Variants in ZC3H12B observed in about 807,000 individuals in gnomAD.
The protein encoded by ZC3H12B is probable ribonuclease ZC3H12B.
Under a neutral mutation model 43.9 loss-of-function variants are expected in ZC3H12B, and 7 were observed. That is an observed-to-expected ratio of 0.16 (90% CI 0.09 to 0.30). The LOEUF (loss-of-function observed/expected upper bound fraction) is 0.30. Ranked by LOEUF, ZC3H12B falls within the 10% of genes least tolerant of loss-of-function variation. The pLI, the probability that ZC3H12B is intolerant of heterozygous loss-of-function variation, is 1.00. For synonymous variants in ZC3H12B, 222 were observed against 241.7 expected, an observed-to-expected ratio of 0.92 and a Z score of 0.76; for missense variants, 475 against 670.2, an observed-to-expected ratio of 0.71 and a Z score of 3.22.
the ZC3H12B span, among the ~76,000 whole-genome samples, chrX:65,335,242 G>T: frequency 1.8e-5 from 2 of 111,561 alleles, no homozygotes; most frequent in African/African-American, 6.5e-5. Flanking sequence ...TCAAAATGGG[G>T]TCTGTGGCAC....
the ZC3H12B span, among the ~76,000 whole-genome samples, chrX:65,105,445 G>A: frequency 4.5e-5 from 5 of 110,975 alleles, no homozygotes; most frequent in Admixed American, 9.6e-5. Context: ...CAGGAATAGC[G>A]GACATAGGGA....
At chrX:65,066,539 G>A in the ZC3H12B span, among the ~76,000 whole-genome samples, 1 of 111,317 alleles carries the variant, frequency 9.0e-6, no homozygotes, top group Admixed American at 9.4e-5. Flanking sequence ...GCACCCACCA[G>A]GTACTAACCT....
the ZC3H12B span, among the ~76,000 whole-genome samples, chrX:65,277,206 A>T: frequency 1.8e-5 from 2 of 111,988 alleles, no homozygotes; most frequent in African/African-American, 6.5e-5. Flanking sequence ...TGGAGCCCTT[A>T]AGTATATAAA....
chrX:65,102,471 T>G, the ZC3H12B span, among the ~76,000 whole-genome samples: 1 of 112,171 alleles, frequency 8.9e-6, no homozygotes, highest in Admixed American at 9.5e-5. Context: ...GACATGATTG[T>G]ATATTTAAGA....
the ZC3H12B span, among the ~76,000 whole-genome samples, chrX:65,296,100 G>A: frequency 1.8e-5 from 2 of 111,805 alleles, no homozygotes; most frequent in African/African-American, 6.5e-5. Context: ...CAAAAATAGG[G>A]AGCCAACTCT....
At chrX:65,462,233 G>C (rs761538691) in intron 3 of ZC3H12B, among the ~76,000 whole-genome samples, 1 of 110,939 alleles carries the variant, frequency 9.0e-6, no homozygotes, top group African/African-American at 3.3e-5. Flanking sequence ...CTTCAAGGCC[G>C]GGCACGGTGG....
chrX:65,153,321 T>A, the ZC3H12B span, among the ~76,000 whole-genome samples: 2 of 111,918 alleles, frequency 1.8e-5, no homozygotes, highest in East Asian at 2.8e-4. Context: ...AGAAAATTTT[T>A]GCAACCTACT....
At chrX:65,325,461 A>G in the ZC3H12B span, among the ~76,000 whole-genome samples, 1 of 111,750 alleles carries the variant, frequency 8.9e-6, no homozygotes, top group East Asian at 2.8e-4. Context: ...ACCATGAACT[A>G]TCTGAAAAAT....
the ZC3H12B span, among the ~76,000 whole-genome samples, chrX:65,211,567 C>T: frequency 9.9e-6 from 1 of 101,279 alleles, no homozygotes; most frequent in Admixed American, 1.2e-4. Context: ...TTAACTTGCT[C>T]AAAGTCATAC....
At chrX:65,384,782 A>G (rs182364903) in intron 2 of ZC3H12B, among the ~76,000 whole-genome samples, 1 of 112,354 alleles carries the variant, frequency 8.9e-6, no homozygotes, top group Non-Finnish European at 1.9e-5. Flanking sequence ...TCCCTTGTAA[A>G]GACACAGACA....
the ZC3H12B span, among the ~76,000 whole-genome samples, chrX:65,167,085 G>A: frequency 8.0e-5 from 9 of 111,855 alleles, no homozygotes; most frequent in Non-Finnish European, 1.5e-4. Flanking sequence ...TGTTGCCGTT[G>A]CCTTTGGTGT....
chrX:65,186,974 A>G, the ZC3H12B span, among the ~76,000 whole-genome samples: 1 of 111,995 alleles, frequency 8.9e-6, no homozygotes, highest in Non-Finnish European at 1.9e-5. Flanking sequence ...TTGCACCTGC[A>G]AATTGTGCTG....
At chrX:65,041,187 T>G in the ZC3H12B span, among the ~76,000 whole-genome samples, 1 of 112,596 alleles carries the variant, frequency 8.9e-6, no homozygotes, top group Non-Finnish European at 1.9e-5. Context: ...AATTTCAGCT[T>G]CTTTCTGAAT....
At chrX:65,238,772 T>G in the ZC3H12B span, among the ~76,000 whole-genome samples, 1 of 112,294 alleles carries the variant, frequency 8.9e-6, no homozygotes, top group Non-Finnish European at 1.9e-5. Context: ...TCTCAGATTC[T>G]GGTGCATTGT....
chrX:65,353,418 T>C, the ZC3H12B span, among the ~76,000 whole-genome samples: 3 of 111,587 alleles, frequency 2.7e-5, no homozygotes, highest in African/African-American at 9.8e-5. Flanking sequence ...GAAGAGTCAG[T>C]CGCACGTCTC....
At chrX:65,100,111 T>C in the ZC3H12B span, among the ~76,000 whole-genome samples, 63 of 111,367 alleles carry the variant, frequency 5.7e-4, no homozygotes, top group Non-Finnish European at 1.1e-3. Context: ...AATAGCCGAA[T>C]TGATGAAGTG....
chrX:65,256,210 C>T, the ZC3H12B span, among the ~76,000 whole-genome samples: 2 of 111,955 alleles, frequency 1.8e-5, no homozygotes, highest in East Asian at 5.6e-4. Flanking sequence ...ACAGAGCTCT[C>T]CATCCTAAAA....
At chrX:65,286,149 C>T in the ZC3H12B span, among the ~76,000 whole-genome samples, 3 of 111,795 alleles carry the variant, frequency 2.7e-5, no homozygotes, top group African/African-American at 9.7e-5. Context: ...ATAGCAAAGA[C>T]ATGGAATCAA....
intron 3 of ZC3H12B, among the ~76,000 whole-genome samples, chrX:65,465,657 A>G (rs944076058): frequency 9.0e-6 from 1 of 110,639 alleles, no homozygotes; most frequent in Non-Finnish European, 1.9e-5. Context: ...TCCTATATGT[A>G]TTATGATTAT....
Sources: gnomAD v4.1 joint callset for allele counts (sites outside exome capture counted in the v4.1 genomes callset) on GRCh38, gnomAD v4.1.1 for gene constraint, MANE v1.5 for transcripts, NCBI Gene and HGNC (gene_info 2026-07-23, HGNC 2026-07-21) for gene names.